SCYL1: variants seen among roughly 807,000 people sequenced by gnomAD.
The protein encoded by SCYL1 is N-terminal kinase-like protein.
In SCYL1, 85 loss-of-function variants were observed where a neutral mutation model predicts 94.8. That is an observed-to-expected ratio of 0.90 (90% CI 0.75 to 1.07). The LOEUF (loss-of-function observed/expected upper bound fraction) is 1.07, where lower values mean the gene tolerates loss of function less well. Among genes scored for constraint, SCYL1 ranks in the 50% least tolerant of loss-of-function variants. SCYL1 has a pLI of 0.00. For missense variants in SCYL1, 968 were observed against 1,083.3 expected, an observed-to-expected ratio of 0.89 and a Z score of 1.49; for synonymous variants, 459 against 435.5, an observed-to-expected ratio of 1.05 and a Z score of -0.67.
Position 65,537,080 on chromosome 11 carries a change from C to T in SCYL1, c.1911C>T (p.Asp637=), listed in dbSNP as rs868281530. ...TQEEDKDTAE[D]SSTADRWDDE... ...AGGAGGACAAGGACACAGCAGAGGA[C>T]AGCAGCACTGCTGACAGATGGGACG... Residue 637 remains aspartate (D), a synonymous_variant, in exon 14 of 18, where the codon GAC becomes GAT. Transcript: ENST00000270176. 6.8e-6 allele frequency: 11 copies of T among 1,614,096 alleles called. No individual in the cohort carries two copies. The highest frequency in any genetic ancestry group is 5.9e-6 in the Non-Finnish European group (7 of 1,179,950).
In SCYL1 at chr11:65,538,146, C is replaced by A; in HGVS notation, c.2211C>A (p.Asp737Glu). 2 of 1,598,302 alleles carry A rather than the reference C, an allele frequency of 1.3e-6. No individual in the cohort carries two copies. Among genetic ancestry groups the A allele is most frequent in the Non-Finnish European group, 1.7e-6 (2 of 1,172,812 alleles). ...WGGPESSDKG[D>E]PFATLSARPS... Reference sequence around the variant, plus strand: ...GCCCAGAGTCCAGCGACAAGGGCGACCCCTTCGCTACCCTGTCTGCACGTC... The same window carrying A: ...GCCCAGAGTCCAGCGACAAGGGCGAACCCTTCGCTACCCTGTCTGCACGTC... Residue 737 changes from aspartate to glutamate, a missense_variant, in exon 16 of 18, where the codon GAC becomes GAA. Asp to Glu is a conservative substitution (Grantham distance 45, BLOSUM62 2). Around this residue, in one of 2 missense-constraint regions of SCYL1, gnomAD observed 474 missense variants for 463.6 expected, o/e 1.02. Coordinates refer to ENST00000270176, the MANE Select transcript of SCYL1 (RefSeq NM_020680.4).
At chr11:65,527,147 C>T (rs780075492) in intron 6 of SCYL1, 30 bp downstream of exon 6, 1 of 1,603,860 alleles carries the variant, frequency 6.2e-7, no homozygotes, top group Admixed American at 1.7e-5. Context: ...TGGGCTTCGA[C>T]CCTATCTTTT....
rs199643862 is a variant in SCYL1 at position 65,538,602 on chromosome 11, C to G, written c.*36C>G. ...TGGCCCTTCCCGGCTGCGGAGAGCC[C>G]GCCCCACAGATGTATTTATTGTACA... On this transcript the variant is annotated 3_prime_UTR_variant, in exon 18 of 18. Transcript: ENST00000270176. The G allele has an allele frequency of 1.3e-6, 2 of 1,596,286 alleles. No homozygotes were observed. The highest frequency in any genetic ancestry group is 1.7e-5 in the Admixed American group (1 of 59,150).
In SCYL1 at chr11:65,526,371, C is replaced by T. The variant is rs757945566; in HGVS notation, c.602+21C>T. The T allele has an allele frequency of 1.5e-5, 24 of 1,563,936 alleles. No homozygotes were observed. Among genetic ancestry groups the T allele is most frequent in the South Asian group, 4.7e-5 (4 of 84,320 alleles). On this transcript the variant is annotated intron_variant, in intron 4 of 17. Coordinates refer to ENST00000270176, the MANE Select transcript of SCYL1 (RefSeq NM_020680.4). This position sits in a 1 kb window ranked among gnomAD's most constrained non-coding sequence, Gnocchi z 4.1. Reference sequence around the variant, plus strand: ...AAGTGGTGGGTGACTGGGGGCAGCGCGCCCCAACCTGCCCTGTCCTGGAGG... The same window carrying T: ...AAGTGGTGGGTGACTGGGGGCAGCGTGCCCCAACCTGCCCTGTCCTGGAGG...
intron 7 of SCYL1, 48 bp from the exon 8 acceptor site, chr11:65,531,528 G>A (rs1283657014): frequency 2.1e-6 from 3 of 1,429,320 alleles, no homozygotes; most frequent in Non-Finnish European, 3.0e-6. Flanking sequence ...GCCCAGCAAA[G>A]TCAGCCCATT....
Position 65,526,721 on chromosome 11 carries a change from G to A in SCYL1, c.603-62G>A. 8 of 1,520,964 alleles carry A rather than the reference G, an allele frequency of 5.3e-6. 1 individual carries two copies. The South Asian group carries it at 8.1e-5, about 15-fold the overall frequency. The allele number at this position is 1,520,964 out of a possible 1,614,324, so 94.2% of individuals were successfully genotyped here. On this transcript the variant is annotated intron_variant, in intron 4 of 17. Transcript: ENST00000270176. This position sits in a 1 kb window ranked among gnomAD's most constrained non-coding sequence, Gnocchi z 4.1. ...ATGCAGTGGGTGCCTGGTGCCCAAGGCAGGCTGGAGGCCTGTGCAGGTGGT... is the reference window on the plus strand; with the variant it reads ...ATGCAGTGGGTGCCTGGTGCCCAAGACAGGCTGGAGGCCTGTGCAGGTGGT...
In SCYL1 at chr11:65,536,159, C is replaced by T. The variant is rs1855629571; in HGVS notation, c.1575+18C>T. ...GAGACCAGGTGAGGCACAGCTGGGC[C>T]TGGGCCCTGGGCTGGGGCTGTAGGG... On this transcript the variant is annotated intron_variant, in intron 11 of 17. Coordinates refer to ENST00000270176, the MANE Select transcript of SCYL1 (RefSeq NM_020680.4). 2 of 1,609,412 alleles carry T rather than the reference C, an allele frequency of 1.2e-6. No individual in the cohort carries two copies. The highest frequency in any genetic ancestry group is 1.3e-5 in the African/African-American group (1 of 74,966).
intron 8 of SCYL1, 129 bp from the exon 9 acceptor site, chr11:65,532,557 GGGTGGT>G (rs1855440064): frequency 1.4e-6 from 1 of 702,560 alleles, no homozygotes. Flanking sequence ...CCAAACACCT[GGGTGGT>G]GGCTCAGGAG....
rs371041571 is a variant in SCYL1, at chr11:65,526,860, G to A, written c.680G>A (p.Arg227His). Reference protein sequence around the residue: ...NGPLPRAAALRNPGKIPKTLV... With the variant: ...NGPLPRAAALHNPGKIPKTLV... ...CCCCTACCTCGGGCAGCAGCCCTAC[G>A]CAACCCTGGGAAGGTAAGTTTCTTG... is the stretch of plus-strand genomic sequence containing the variant. The change falls in exon 5 of 18, where the codon CGC (arginine) becomes CAC (histidine). Residue 227 changes from arginine to histidine, a missense_variant. By Grantham distance (29) the Arg-to-His change is conservative. Coordinates refer to ENST00000270176, the MANE Select transcript of SCYL1 (RefSeq NM_020680.4). The surrounding 1 kb of genome is among the most constrained non-coding windows in gnomAD (Gnocchi z 4.1). 4.3e-6 allele frequency: 7 copies of A among 1,613,258 alleles called. No individual in the cohort carries two copies. The highest frequency in any genetic ancestry group is 2.2e-5 in the East Asian group (1 of 44,892).
chr11:65,525,394 G>C, intron 1 of SCYL1, 130 bp downstream of exon 1: 1 of 1,027,600 alleles, frequency 9.7e-7, no homozygotes, highest in South Asian at 1.8e-5. Context: ...GGGAGGGGGC[G>C]GGCAGTGCCT....
chr11:65,533,834 G>A (rs1033061841), intron 9 of SCYL1, among the ~76,000 whole-genome samples: 2 of 152,098 alleles, frequency 1.3e-5, no homozygotes, highest in Non-Finnish European at 2.9e-5. Context: ...TGTAATCCCA[G>A]CACTTTGGGA....
At chr11:65,530,860 G>A (rs1855327909) in intron 7 of SCYL1, 73 bp downstream of exon 7, 2 of 1,522,262 alleles carry the variant, frequency 1.3e-6, no homozygotes, top group East Asian at 2.3e-5. Context: ...CCTGGGGTAG[G>A]GCAGGCTGTT....
chr11:65,529,479 A>G (rs777695787), intron 6 of SCYL1, among the ~76,000 whole-genome samples: 4 of 152,146 alleles, frequency 2.6e-5, no homozygotes, highest in Non-Finnish European at 5.9e-5. Context: ...TACTCTCTTG[A>G]TGTATGACCT....
intron 6 of SCYL1, among the ~76,000 whole-genome samples, chr11:65,529,495 G>A (rs967146777): frequency 1.3e-5 from 2 of 152,236 alleles, no homozygotes; most frequent in African/African-American, 2.4e-5. Flanking sequence ...GACCTTGGAT[G>A]TGATTTAGCC....
intron 10 of SCYL1, chr11:65,535,662 G>GT: frequency 1.7e-6 from 1 of 587,542 alleles, no homozygotes; most frequent in Non-Finnish European, 3.0e-6. Flanking sequence ...TGCCCAGACA[G>GT]TTAACAGGAA....
chr11:65,531,524 C>A, intron 7 of SCYL1, 52 bp from the exon 8 acceptor site: 2 of 1,391,762 alleles, frequency 1.4e-6, no homozygotes, highest in Non-Finnish European at 2.0e-6. Context: ...ATAAGCCCAG[C>A]AAAGTCAGCC....
rs1855127339 is a variant in SCYL1, at chr11:65,527,132, C to T, written c.849+15C>T. 2.5e-6 allele frequency: 4 copies of T among 1,609,752 alleles called. No individual in the cohort carries two copies. The highest frequency in any genetic ancestry group is 2.2e-5 in the South Asian group (2 of 91,034). On this transcript the variant is annotated intron_variant, in intron 6 of 17. Coordinates refer to ENST00000270176, the MANE Select transcript of SCYL1 (RefSeq NM_020680.4). ...AGGAGATTCAGGTGAGCCCCCAACC[C>T]ACCCTGGGCTTCGACCCTATCTTTT...
chr11:65,532,904 A>G, intron 9 of SCYL1, 99 bp downstream of exon 9: 4 of 855,654 alleles, frequency 4.7e-6, no homozygotes, highest in Non-Finnish European at 7.7e-6. Context: ...CATGGGTCCA[A>G]GCAGACACTG....
Position 65,536,872 on chromosome 11 carries a change from CAGT to C in SCYL1, c.1817-113_1817-111del, listed in dbSNP as rs1198049820. 1.4e-5 allele frequency: 18 copies of C among 1,332,572 alleles called. No homozygotes were observed. The East Asian group carries it at 4.2e-4, about 31-fold the overall frequency. The allele number at this position is 1,332,572 out of a possible 1,614,324, so 82.5% of individuals were successfully genotyped here. ...GGGGATATAGGAGCTGGGTAGGCTC[CAGT>C]CACCCTGTGGGCTTCCTTGGTGCCC... is the stretch of plus-strand genomic sequence containing the variant. On this transcript the variant is annotated intron_variant, in intron 13 of 17. Transcript: ENST00000270176.
Sources: gnomAD v4.1 joint callset for allele counts (sites outside exome capture counted in the v4.1 genomes callset) on GRCh38, gnomAD v4.1.1 for gene constraint, gnomAD v4.1.1 regional missense constraint, Gnocchi (gnomAD v3.1) non-coding constraint, MANE v1.5 for transcripts, NCBI Gene and HGNC (gene_info 2026-07-23, HGNC 2026-07-21) for gene names.